The following TCF20 variants were observed in gnomAD, a reference collection of about 807,000 sequenced individuals.
TCF20 encodes the protein SPRE-binding protein.
TCF20 carries 3 observed loss-of-function variants against 148.6 expected under a neutral mutation model. The observed-to-expected ratio is 0.02, with a 90% confidence interval of 0.01 to 0.05. TCF20 has a LOEUF of 0.05. Among genes scored for constraint, TCF20 ranks in the 10% least tolerant of loss-of-function variants. TCF20 has a pLI of 1.00. For synonymous variants in TCF20, 1,049 were observed against 909.5 expected (o/e 1.15, Z -2.76); for missense variants, 2,350 against 2,429.3 (o/e 0.97, Z 0.69).
At chr22:42,245,916 T>C (rs1924862706) in intron 1 of TCF20, among the ~76,000 whole-genome samples, 3 of 152,072 alleles carry the variant, frequency 2.0e-5, no homozygotes, top group African/African-American at 4.8e-5. Context: ...GCCAGCTCTA[T>C]GGTCAAATTT....
chr22:42,223,886 C>A (rs1922606479), intron 1 of TCF20, among the ~76,000 whole-genome samples: 1 of 152,104 alleles, frequency 6.6e-6, no homozygotes, highest in South Asian at 2.1e-4. Flanking sequence ...CTATATTTTT[C>A]TCAGTGGCTA....
intron 1 of TCF20, among the ~76,000 whole-genome samples, chr22:42,313,163 C>T (rs1927566687): frequency 6.6e-6 from 1 of 152,204 alleles, no homozygotes; most frequent in Non-Finnish European, 1.5e-5. Context: ...CACCATAGGC[C>T]AAGAGCTTCT....
At chr22:42,186,267 ACGTGTGAAAG>A (rs1278970675) in intron 2 of TCF20, among the ~76,000 whole-genome samples, 1 of 152,214 alleles carries the variant, frequency 6.6e-6, no homozygotes, top group Non-Finnish European at 1.5e-5. Context: ...GTGTCAGCAC[ACGTGTGAAAG>A]CCAAAAGTCA....
intron 1 of TCF20, among the ~76,000 whole-genome samples, chr22:42,306,271 C>T (rs1047601892): frequency 2.0e-5 from 3 of 152,272 alleles, no homozygotes; most frequent in African/African-American, 7.2e-5. Context: ...TAGGAGTTGC[C>T]ACCTGCAATT....
chr22:42,227,522 C>T (rs1266444097), intron 1 of TCF20, among the ~76,000 whole-genome samples: 3 of 152,196 alleles, frequency 2.0e-5, no homozygotes, highest in Non-Finnish European at 2.9e-5. Context: ...CAAGCCTCCA[C>T]ATCAGGAAAT....
chr22:42,274,379 G>A (rs559615863), upstream of TCF20: 30 of 152,448 alleles, frequency 2.0e-4, no homozygotes, highest in African/African-American at 7.2e-4. Context: ...CCTGCTTTGT[G>A]CAAGTCTCTG....
chr22:42,289,699 ACC>A (rs923074202), intron 1 of TCF20, among the ~76,000 whole-genome samples: 44 of 152,226 alleles, frequency 2.9e-4, no homozygotes, highest in African/African-American at 9.4e-4. Flanking sequence ...GAGATTCTGA[ACC>A]ACACACACTT....
At chr22:42,198,808 C>A (rs1937770519) in intron 2 of TCF20, among the ~76,000 whole-genome samples, 1 of 151,974 alleles carries the variant, frequency 6.6e-6, no homozygotes, top group Non-Finnish European at 1.5e-5. Context: ...ACTACAGGCG[C>A]CCGCCACCAC....
In TCF20 at chr22:42,210,218, C is replaced by T; in HGVS notation, c.5088G>A (p.Glu1696=). The T allele has an allele frequency of 6.2e-7, 1 of 1,614,226 alleles. No homozygotes were observed. The highest frequency in any genetic ancestry group is 8.5e-7 in the Non-Finnish European group (1 of 1,180,044). Residue 1696 remains glutamate (E), a synonymous_variant, in exon 2 of 6, where the codon GAG becomes GAA. Transcript: ENST00000677622. The surrounding 1 kb of genome is among the most constrained non-coding windows in gnomAD (Gnocchi z 4.7). The stretch of plus-strand genomic sequence containing the variant: ...AAACCAGGTGCCCCATAACCGAAGA[C>T]TCTGTCACAACAGGTCCCTGCAGCA... ...SFMLQGPVVT[E]SSVMGHLVCC...
chr22:42,272,581 C>T (rs865862164), upstream of TCF20, among the ~76,000 whole-genome samples: 10 of 152,216 alleles, frequency 6.6e-5, no homozygotes, highest in African/African-American at 4.8e-5. Flanking sequence ...GTCCAGGCGC[C>T]TGTCAGCTCC....
At chr22:42,278,834 G>T (rs541796922) in intron 1 of TCF20, 1 of 152,348 alleles carries the variant, frequency 6.6e-6, no homozygotes, top group South Asian at 2.1e-4. Context: ...TAAATAATTA[G>T]CCTGAGATCA....
In TCF20 at chr22:42,342,656, G is replaced by A. The variant is rs142559119; in HGVS notation, c.-37+823C>T. On this transcript the variant is annotated intron_variant, in intron 1 of 1. Transcript: ENST00000515426. ...CATGCTGGACAGAGCCCTCGGGTCA[G>A]AAGCAGGTGGACAAGGCTGCCCCCA... Among the ~76,000 whole-genome samples the A allele has an allele frequency of 1.1e-4, 16 of 152,338 alleles. No individual in the cohort carries two copies. In the East Asian group the frequency reaches 3.1e-3, roughly 29 times the overall value.
chr22:42,295,108 G>T (rs986360838), intron 1 of TCF20, among the ~76,000 whole-genome samples: 2 of 152,184 alleles, frequency 1.3e-5, no homozygotes, highest in Admixed American at 6.5e-5. Context: ...GACAGCGTGG[G>T]GGGCAGGGCA....
chr22:42,222,875 G>A (rs370311855), intron 1 of TCF20, among the ~76,000 whole-genome samples: 48 of 152,282 alleles, frequency 3.2e-4, no homozygotes, highest in African/African-American at 9.9e-4. Flanking sequence ...ATTGCTGGCC[G>A]GCCACAGTGG....
rs143492270 is a variant in TCF20, at chr22:42,211,204, C to T, written c.4102G>A (p.Ala1368Thr). 5.0e-6 allele frequency: 8 copies of T among 1,614,044 alleles called. No homozygotes were observed. Among genetic ancestry groups the T allele is most frequent in the Admixed American group, 1.7e-5 (1 of 59,994 alleles). The part of the protein sequence containing the change: ...KITSPNIRRS[A>T]SSNSAEAGGD... ...CCAGCCTCCGCACTGTTCGAAGATG[C>T]GCTCCTCCTAATATTTGGGGATGTA... Residue 1368 changes from alanine (A) to threonine (T), a missense_variant, in exon 2 of 6, where the codon GCA (alanine) becomes ACA (threonine). Ala to Thr is a moderately conservative substitution (Grantham distance 58). Coordinates refer to ENST00000677622, the MANE Select transcript of TCF20 (RefSeq NM_001378418.1).
chr22:42,207,746 C>T (rs994971815), intron 2 of TCF20, among the ~76,000 whole-genome samples: 13 of 152,112 alleles, frequency 8.5e-5, no homozygotes, highest in African/African-American at 2.7e-4. Context: ...ACCTGGGAAG[C>T]GGAGGTTGCG....
At chr22:42,328,696 C>T (rs1026440009) in intron 1 of TCF20, among the ~76,000 whole-genome samples, 5 of 152,238 alleles carry the variant, frequency 3.3e-5, no homozygotes, top group Admixed American at 6.5e-5. Flanking sequence ...AGGGATCACA[C>T]ATGTGAAATG....
At chr22:42,184,853 T>TA (rs1453456680) in intron 2 of TCF20, among the ~76,000 whole-genome samples, 1 of 152,236 alleles carries the variant, frequency 6.6e-6, no homozygotes, top group Non-Finnish European at 1.5e-5. Context: ...AAATAAATTA[T>TA]AAAAGGTATT....
chr22:42,213,675 G>C lies in TCF20; in HGVS notation c.1631C>G (p.Ser544Cys), dbSNP rs777814882. The part of the protein sequence containing the change: ...VRQLSGQSTS[S>C]DTTYKGGASE... ...GGCTCCACCCTTGTAGGTGGTGTCA[G>C]AGCTGGTGCTCTGGCCACTTAGTTG... Residue 544 changes from serine to cysteine, a missense_variant, in exon 2 of 6, where the codon TCT (serine) becomes TGT (cysteine). This residue lies in a region of TCF20 where 1,641 missense variants were observed against 1,662.6 expected (regional missense o/e 0.99). Transcript: ENST00000677622. 6.2e-7 allele frequency: 1 copy of C among 1,614,124 alleles called. No individual in the cohort carries two copies. The highest frequency in any genetic ancestry group is 8.5e-7 in the Non-Finnish European group (1 of 1,179,968).
Sources: allele counts gnomAD v4.1 joint callset (sites outside exome capture counted in the v4.1 genomes callset), GRCh38; gene constraint gnomAD v4.1.1; regional missense constraint gnomAD v4.1.1; non-coding constraint Gnocchi (gnomAD v3.1); transcripts MANE v1.5; gene names NCBI Gene and HGNC (gene_info 2026-07-23, HGNC 2026-07-21).